The following USH2A variants were observed in gnomAD, a reference collection of about 807,000 sequenced individuals.
The protein encoded by USH2A is Usher syndrome 2A (autosomal recessive, mild).
USH2A carries 443 observed loss-of-function variants against 538.9 expected under a neutral mutation model. The observed-to-expected ratio is 0.82, with a 90% confidence interval of 0.76 to 0.89. The LOEUF (loss-of-function observed/expected upper bound fraction) is 0.89. Ranked by LOEUF, USH2A falls within the 40% of genes least tolerant of loss-of-function variation. The probability of loss-of-function intolerance (pLI) is 0.00; values close to 1 mark genes in which losing one functional copy is unlikely to be tolerated. For synonymous variants in USH2A, 2,413 were observed against 2,273.5 expected (o/e 1.06, Z -1.75); for missense variants, 6,633 against 6,324.8 (o/e 1.05, Z -1.65).
intron 14 of USH2A, among the ~76,000 whole-genome samples, chr1:216,221,614 C>T (rs1047692595): frequency 2.6e-5 from 4 of 152,158 alleles, no homozygotes; most frequent in African/African-American, 9.7e-5. Flanking sequence ...GTGAATTTCC[C>T]AGGCACAAAT....
chr1:216,245,736 A>AAAAG (rs372074964), intron 13 of USH2A, among the ~76,000 whole-genome samples: 40 of 152,284 alleles, frequency 2.6e-4, no homozygotes, highest in Admixed American at 1.5e-3. Context: ...ATGCCAAAGG[A>AAAAG]AAAGCATGGC....
intron 30 of USH2A, among the ~76,000 whole-genome samples, chr1:216,068,933 G>A (rs915098974): frequency 6.6e-6 from 1 of 152,132 alleles, no homozygotes; most frequent in Admixed American, 6.6e-5. Flanking sequence ...TTTTTCTATG[G>A]TGTCTAATAT....
At chr1:215,959,163 T>A (rs1451056632) in intron 37 of USH2A, among the ~76,000 whole-genome samples, 1 of 152,094 alleles carries the variant, frequency 6.6e-6, no homozygotes, top group Non-Finnish European at 1.5e-5. Context: ...TATAGAATTT[T>A]TTTTAAGTTG....
chr1:216,145,784 A>G (rs1219879191), intron 21 of USH2A, among the ~76,000 whole-genome samples: 1 of 152,140 alleles, frequency 6.6e-6, no homozygotes, highest in African/African-American at 2.4e-5. Context: ...TGATGACATT[A>G]CCTCGTGAAA....
intron 61 of USH2A, among the ~76,000 whole-genome samples, chr1:215,714,352 A>T (rs1423124062): frequency 6.6e-6 from 1 of 152,146 alleles, no homozygotes; most frequent in East Asian, 1.9e-4. Context: ...AGTGGTAGTA[A>T]CTTTTCACTT....
At position 215,628,824 on chromosome 1, in the gene USH2A, T is replaced by C. The variant is rs2102625084; in HGVS notation, c.15509A>G (p.Asn5170Ser). ...AGGAAACCAACTCACCAGTCCACTGTTGTGGCCCATGATGGCTTCCCACAG... is the reference window on the plus strand; with the variant it reads ...AGGAAACCAACTCACCAGTCCACTGCTGTGGCCCATGATGGCTTCCCACAG... ...NSLWEAIMGH[N>S]SGLYVDEEDL... The change falls in exon 71 of 72, where the codon AAC becomes AGC. Residue 5170 changes from asparagine to serine, a missense_variant. Physicochemically the swap from Asn to Ser is conservative, Grantham distance 46 (BLOSUM62 1). Coordinates refer to ENST00000307340, the MANE Select transcript of USH2A (RefSeq NM_206933.4). 6.2e-7 allele frequency: 1 copy of C among 1,614,158 alleles called. No individual in the cohort carries two copies. The highest frequency in any genetic ancestry group is 8.5e-7 in the Non-Finnish European group (1 of 1,180,028).
At chr1:216,259,882 G>T (rs1339749632) in intron 11 of USH2A, among the ~76,000 whole-genome samples, 1 of 151,872 alleles carries the variant, frequency 6.6e-6, no homozygotes, top group Non-Finnish European at 1.5e-5. Flanking sequence ...CAATAATGGA[G>T]AAATATATTT....
intron 22 of USH2A, among the ~76,000 whole-genome samples, chr1:216,093,647 G>A (rs1482893652): frequency 6.6e-6 from 1 of 152,146 alleles, no homozygotes; most frequent in Non-Finnish European, 1.5e-5. Flanking sequence ...AAAAGAGATG[G>A]CAGTCATGCT....
At chr1:216,318,107 C>T (rs936433586) in intron 9 of USH2A, among the ~76,000 whole-genome samples, 1 of 152,176 alleles carries the variant, frequency 6.6e-6, no homozygotes, top group African/African-American at 2.4e-5. Context: ...ACTAAAAACA[C>T]TTTCTCATAG....
intron 55 of USH2A, among the ~76,000 whole-genome samples, chr1:215,767,197 T>G (rs55869451): frequency 0.074 from 11,089 of 148,878 alleles, 790 homozygotes; most frequent in East Asian, 0.37. Flanking sequence ...GAAATCTTTC[T>G]ATCACTTTCA....
At position 215,813,905 on chromosome 1, in the gene USH2A, C is replaced by T. The variant is rs9701736; in HGVS notation, c.9571-1G>A. 6.2e-7 allele frequency: 1 copy of T among 1,613,502 alleles called. No homozygotes were observed. The highest frequency in any genetic ancestry group is 8.5e-7 in the Non-Finnish European group (1 of 1,179,678). ...TATAGAGCACTCCGTTACAACAAAC[C>T]TGAAAGTTTGAAAACAGTTTTAAAG... is the stretch of plus-strand genomic sequence containing the variant. On this transcript the variant is annotated splice_acceptor_variant, in intron 48 of 71. Coordinates refer to ENST00000307340, the MANE Select transcript of USH2A (RefSeq NM_206933.4). LOFTEE classifies it high-confidence loss of function.
intron 3 of USH2A, among the ~76,000 whole-genome samples, chr1:216,400,008 T>TA (rs2039279115): frequency 6.6e-6 from 1 of 151,968 alleles, no homozygotes; most frequent in Non-Finnish European, 1.5e-5. Flanking sequence ...CAGGATATAA[T>TA]AAAAATCACT....
chr1:215,940,281 C>T (rs1179952962), intron 37 of USH2A, among the ~76,000 whole-genome samples: 1 of 152,072 alleles, frequency 6.6e-6, no homozygotes, highest in Non-Finnish European at 1.5e-5. Flanking sequence ...AGTTCCATCT[C>T]ACTATCACGA....
chr1:215,849,423 G>C (rs552680771), intron 44 of USH2A, among the ~76,000 whole-genome samples: 2 of 152,278 alleles, frequency 1.3e-5, no homozygotes, highest in East Asian at 3.9e-4. Flanking sequence ...AACGTACGTT[G>C]AAAGCAGAAA....
intron 16 of USH2A, among the ~76,000 whole-genome samples, chr1:216,206,504 G>A (rs1211800576): frequency 6.6e-6 from 1 of 152,156 alleles, no homozygotes; most frequent in Non-Finnish European, 1.5e-5. Flanking sequence ...TGCCGCCACA[G>A]AACTGACAGG....
chr1:216,052,853 C>T (rs1414306197), intron 30 of USH2A, among the ~76,000 whole-genome samples: 1 of 152,164 alleles, frequency 6.6e-6, no homozygotes, highest in African/African-American at 2.4e-5. Context: ...GAGAGTAACA[C>T]ATTCTCTCCA....
intron 13 of USH2A, among the ~76,000 whole-genome samples, chr1:216,243,621 C>A (rs2102540471): frequency 6.6e-6 from 1 of 152,224 alleles, no homozygotes; most frequent in African/African-American, 2.4e-5. Context: ...GATAAATCTG[C>A]TTACCCCTGG....
intron 21 of USH2A, among the ~76,000 whole-genome samples, chr1:216,134,676 A>G (rs879360145): frequency 1.3e-5 from 2 of 152,154 alleles, no homozygotes; most frequent in Non-Finnish European, 2.9e-5. Flanking sequence ...TTCTGTCATG[A>G]TTGAACGCAA....
Position 216,196,187 on chromosome 1 carries a change from TAATAC to T in USH2A, c.4251+361_4251+365del, listed in dbSNP as rs2034837991. ...ATGTTATTTATATTTCCAAAAGAAT[TAATAC>T]AATACAATATCAACTGAGTGTGGAC... On this transcript the variant is annotated intron_variant, in intron 19 of 71. Transcript: ENST00000307340. 2.6e-5 allele frequency among the ~76,000 whole-genome samples: 4 copies of T among 152,138 alleles called. No homozygotes were observed. In the South Asian group the frequency reaches 6.2e-4, roughly 24 times the overall value.
Sources: allele counts gnomAD v4.1 joint callset (sites outside exome capture counted in the v4.1 genomes callset), GRCh38; gene constraint gnomAD v4.1.1; transcripts MANE v1.5; gene names NCBI Gene and HGNC (gene_info 2026-07-23, HGNC 2026-07-21).